Variants in HDLBP observed in about 807,000 individuals in gnomAD.
HDLBP encodes the protein high density lipoprotein binding protein.
HDLBP carries 30 observed loss-of-function variants against 137.3 expected under a neutral mutation model. That is an observed-to-expected ratio of 0.22 (90% CI 0.16 to 0.30). The LOEUF (loss-of-function observed/expected upper bound fraction) is 0.30. Ranked by LOEUF, HDLBP falls within the 10% of genes least tolerant of loss-of-function variation. The probability of loss-of-function intolerance (pLI) is 1.00; values close to 1 mark genes in which losing one functional copy is unlikely to be tolerated. For synonymous variants in HDLBP, 606 were observed against 596.0 expected (o/e 1.02, Z -0.24); for missense variants, 1,119 against 1,667.3 (o/e 0.67, Z 5.73).
intron 16 of HDLBP, among the ~76,000 whole-genome samples, chr2:241,246,147 A>T (rs2071654923): frequency 6.6e-6 from 1 of 152,198 alleles, no homozygotes; most frequent in Non-Finnish European, 1.5e-5. Context: ...TATCCTGCAA[A>T]GTGAAAGCAG....
At chr2:241,249,401 G>C (rs1022713155) in intron 12 of HDLBP, 2 of 473,688 alleles carry the variant, frequency 4.2e-6, no homozygotes, top group Admixed American at 2.3e-5. Context: ...TGTATGAAAC[G>C]TCGGGGAGCC....
intron 1 of HDLBP, chr2:241,280,047 G>A (rs1002509309): frequency 3.9e-5 from 38 of 985,370 alleles, no homozygotes; most frequent in Middle Eastern, 1.0e-3. Flanking sequence ...GAGGACAGGC[G>A]CCCACCACTT....
At chr2:241,271,133 A>T (rs1471831964) in intron 1 of HDLBP, 6 of 985,246 alleles carry the variant, frequency 6.1e-6, no homozygotes, top group Non-Finnish European at 7.2e-6. Context: ...CTGGTAGGTG[A>T]GCCCTATCTC....
intron 24 of HDLBP, 196 bp from the exon 25 acceptor site, chr2:241,231,140 T>G: frequency 1.9e-6 from 1 of 539,770 alleles, no homozygotes; most frequent in Non-Finnish European, 3.3e-6. Flanking sequence ...ATCCCAGCAC[T>G]TTGGGAGGCC....
chr2:241,255,021 C>A lies in HDLBP; in HGVS notation c.1188+30G>T, dbSNP rs373354918. ...AGAAAGACAGAAAACAAGACAAATT[C>A]AATACAACAGGTGAAAAACGTGTCC... On this transcript the variant is annotated intron_variant, in intron 9 of 27. Transcript: ENST00000310931. 5.4e-6 allele frequency: 8 copies of A among 1,473,226 alleles called. No individual in the cohort carries two copies. In the African/African-American group the frequency reaches 1.1e-4, roughly 20 times the overall value. The allele number at this position is 1,473,226 out of a possible 1,614,324, so 91.3% of individuals were successfully genotyped here.
chr2:241,272,022 TAAA>T lies in HDLBP; in HGVS notation c.-102-3484_-102-3482del. The T allele has an allele frequency of 9.0e-6, 2 of 221,798 alleles. No individual in the cohort carries two copies. Among genetic ancestry groups the T allele is most frequent in the Non-Finnish European group, 1.5e-5 (2 of 131,844 alleles). 13.7% of individuals were successfully genotyped at this position (221,798 alleles called of 1,614,324 possible). A position where few individuals can be genotyped will look rare whatever the true frequency, so the allele number is the denominator to read the frequency against. ...GAGGGCCCGCGGGCGGGGACAGGCT[TAAA>T]GGGACAGCAACCCCTCGGCCTCCCC... is the stretch of plus-strand genomic sequence containing the variant. On this transcript the variant is annotated intron_variant, in intron 1 of 27. Transcript: ENST00000310931. This position sits in a 1 kb window ranked among gnomAD's most constrained non-coding sequence, Gnocchi z 5.6.
chr2:241,271,528 TG>T (rs1440066507), intron 1 of HDLBP, among the ~76,000 whole-genome samples: 1 of 152,206 alleles, frequency 6.6e-6, no homozygotes, highest in Non-Finnish European at 1.5e-5. Flanking sequence ...AGGCTTCACA[TG>T]AGGGGTTCTA....
At chr2:241,249,463 C>T in intron 12 of HDLBP, 1 of 486,936 alleles carries the variant, frequency 2.1e-6, no homozygotes, top group Non-Finnish European at 4.2e-6. Context: ...GCCCCCACTT[C>T]AGGTTTGCAG....
intron 8 of HDLBP, 50 bp from the exon 9 acceptor site, chr2:241,255,208 C>T (rs2072519790): frequency 8.9e-6 from 14 of 1,569,404 alleles, no homozygotes; most frequent in Non-Finnish European, 1.2e-5. Flanking sequence ...AAGGTCGTGT[C>T]ACAGTGAAAG....
intron 24 of HDLBP, among the ~76,000 whole-genome samples, chr2:241,231,908 C>A (rs1211165914): frequency 1.0e-5 from 1 of 98,786 alleles, no homozygotes; most frequent in Non-Finnish European, 2.6e-5. Context: ...TCACAACCAT[C>A]ACGCAACAGG....
intron 1 of HDLBP, among the ~76,000 whole-genome samples, chr2:241,275,699 G>A (rs1323140894): frequency 6.6e-6 from 1 of 152,088 alleles, no homozygotes; most frequent in African/African-American, 2.4e-5. Flanking sequence ...AGAGAGAAAA[G>A]ACAGGTTACT....
rs200082324 is a variant in HDLBP, at chr2:241,297,856, C to T, written c.-103+17714G>A. Among the ~76,000 whole-genome samples the T allele has an allele frequency of 5.2e-4, 79 of 151,428 alleles. 1 individual carries two copies. In the East Asian group the frequency reaches 0.011, roughly 22 times the overall value. On this transcript the variant is annotated intron_variant, in intron 1 of 27. Transcript: ENST00000310931. ...TCACCTGAGGTCAGGAGTTCAAGACCGGCCAACATGGTGAAACCTTCTCTC... is the reference window on the plus strand; with the variant it reads ...TCACCTGAGGTCAGGAGTTCAAGACTGGCCAACATGGTGAAACCTTCTCTC...
intron 5 of HDLBP, among the ~76,000 whole-genome samples, chr2:241,262,079 C>G (rs2073244221): frequency 6.6e-6 from 1 of 152,224 alleles, no homozygotes; most frequent in Non-Finnish European, 1.5e-5. Context: ...TTGCTTATTA[C>G]AAATGTTCTT....
At position 241,242,471 on chromosome 2, in the gene HDLBP, C is replaced by T; in HGVS notation, c.2158G>A (p.Ala720Thr). The part of the protein sequence containing the change: ...EKAKKQLLHL[A>T]EEKQTKSFTV... ...CTCCCCATGCTCACCTTCTCCTCCG[C>T]CAGATGCAGGAGCTGCTTCTTGGCC... The change falls in exon 17 of 28, where the codon GCG (alanine) becomes ACG (threonine). Residue 720 changes from alanine to threonine, a missense_variant. Around this residue, in one of 4 missense-constraint regions of HDLBP, gnomAD observed 618 missense variants for 816.7 expected, o/e 0.76. Coordinates refer to ENST00000310931, the MANE Select transcript of HDLBP (RefSeq NM_005336.6). 6.2e-7 allele frequency: 1 copy of T among 1,613,834 alleles called. No homozygotes were observed. Among genetic ancestry groups the T allele is most frequent in the Non-Finnish European group, 8.5e-7 (1 of 1,179,758 alleles).
intron 1 of HDLBP, among the ~76,000 whole-genome samples, chr2:241,293,868 G>A (rs1483947785): frequency 2.7e-5 from 4 of 149,542 alleles, no homozygotes; most frequent in Non-Finnish European, 4.4e-5. Flanking sequence ...CCTGCAGTGA[G>A]CCGTGATTGC....
At chr2:241,302,722 T>A (rs1251290758) in intron 1 of HDLBP, 1 of 152,304 alleles carries the variant, frequency 6.6e-6, no homozygotes, top group Admixed American at 6.5e-5. Context: ...GGCTGTCTGT[T>A]GTGGCAACCC....
intron 17 of HDLBP, 64 bp downstream of exon 17, chr2:241,242,396 A>G: frequency 1.5e-6 from 2 of 1,376,524 alleles, no homozygotes; most frequent in East Asian, 4.6e-5. Flanking sequence ...CACAGTGAGA[A>G]GCGAGAACAC....
At chr2:241,283,077 T>A (rs4675968) in intron 1 of HDLBP, among the ~76,000 whole-genome samples, 2 of 151,982 alleles carry the variant, frequency 1.3e-5, no homozygotes. Context: ...AGTGAACACA[T>A]AAATGGTAAG....
At chr2:241,280,080 T>A (rs145044021) in intron 1 of HDLBP, 1 of 985,236 alleles carries the variant, frequency 1.0e-6, no homozygotes, top group Non-Finnish European at 1.2e-6. Context: ...TGCAGTCTTA[T>A]AGGAAGTTAT....
Sources: allele counts gnomAD v4.1 joint callset (sites outside exome capture counted in the v4.1 genomes callset), GRCh38; gene constraint gnomAD v4.1.1; regional missense constraint gnomAD v4.1.1; non-coding constraint Gnocchi (gnomAD v3.1); transcripts MANE v1.5; gene names NCBI Gene and HGNC (gene_info 2026-07-23, HGNC 2026-07-21).